CASD1: variants seen among roughly 807,000 people sequenced by gnomAD.
The protein encoded by CASD1 is N-acetylneuraminate (7)9-O-acetyltransferase.
In CASD1, 41 loss-of-function variants were observed where a neutral mutation model predicts 100.0. That is an observed-to-expected ratio of 0.41 (90% CI 0.32 to 0.53). CASD1 has a LOEUF of 0.53. Ranked by LOEUF, CASD1 falls within the 20% of genes least tolerant of loss-of-function variation. CASD1 has a pLI of 0.25. For missense variants in CASD1, 774 were observed against 948.7 expected (o/e 0.82, Z 2.42); for synonymous variants, 321 against 315.6 (o/e 1.02, Z -0.18).
At chr7:94,570,898 G>A in the CASD1 span, among the ~76,000 whole-genome samples, 4 of 152,274 alleles carry the variant, frequency 2.6e-5, no homozygotes, top group African/African-American at 9.6e-5. Flanking sequence ...CTTTACTGGA[G>A]ATCTTTATTT....
At chr7:94,632,973 C>T in the CASD1 span, among the ~76,000 whole-genome samples, 1 of 151,984 alleles carries the variant, frequency 6.6e-6, no homozygotes, top group African/African-American at 2.4e-5. Flanking sequence ...AAGCTTAAAG[C>T]ATGTTGTTTT....
chr7:94,511,526 A>T (rs1297669692), intron 1 of CASD1, among the ~76,000 whole-genome samples: 2 of 152,226 alleles, frequency 1.3e-5, no homozygotes, highest in Admixed American at 1.3e-4. Context: ...TCTCCAGATC[A>T]CAGCCATACG....
At chr7:94,594,143 T>C in the CASD1 span, among the ~76,000 whole-genome samples, 1 of 152,126 alleles carries the variant, frequency 6.6e-6, no homozygotes, top group Non-Finnish European at 1.5e-5. Flanking sequence ...AGGGCAATCA[T>C]TGAGGTACAC....
chr7:94,552,552 C>G, intron 16 of CASD1, 125 bp downstream of exon 16: 1 of 649,336 alleles, frequency 1.5e-6, no homozygotes, highest in Admixed American at 3.2e-5. Context: ...TTTCTAAGCC[C>G]TTCCTTTCTC....
At chr7:94,549,409 A>C (rs1460611507) in intron 13 of CASD1, 124 bp from the exon 14 acceptor site, 4 of 469,956 alleles carry the variant, frequency 8.5e-6, no homozygotes, top group Non-Finnish European at 1.5e-5. Flanking sequence ...AATAAAACAG[A>C]ATTTTAACAT....
At chr7:94,605,045 A>G in the CASD1 span, among the ~76,000 whole-genome samples, 6 of 151,698 alleles carry the variant, frequency 4.0e-5, no homozygotes, top group East Asian at 1.2e-3. Flanking sequence ...CCATATTACT[A>G]AAGATCTACT....
At chr7:94,590,249 T>A in the CASD1 span, among the ~76,000 whole-genome samples, 2 of 152,142 alleles carry the variant, frequency 1.3e-5, no homozygotes, top group African/African-American at 4.8e-5. Flanking sequence ...TGAGAAATGT[T>A]ATTAAAATTT....
At chr7:94,622,021 G>T in the CASD1 span, 2 of 141,924 alleles carry the variant, frequency 1.4e-5, no homozygotes, top group South Asian at 2.3e-4. Context: ...CACTTAAGGG[G>T]GTTTAAGTGT....
chr7:94,616,655 T>C, the CASD1 span, among the ~76,000 whole-genome samples: 1 of 152,180 alleles, frequency 6.6e-6, no homozygotes, highest in African/African-American at 2.4e-5. Flanking sequence ...GGATTTTTTT[T>C]CTAAATTTAA....
At chr7:94,595,034 C>T in the CASD1 span, among the ~76,000 whole-genome samples, 2 of 152,092 alleles carry the variant, frequency 1.3e-5, no homozygotes, top group Non-Finnish European at 2.9e-5. Context: ...ACTATCTATC[C>T]CTGCCTAGAT....
chr7:94,509,847 G>C lies in CASD1; in HGVS notation c.-238G>C, dbSNP rs1793592298. 2 of 1,008,308 alleles carry C rather than the reference G, an allele frequency of 2.0e-6. No individual in the cohort carries two copies. Among genetic ancestry groups the C allele is most frequent in the South Asian group, 9.3e-5 (2 of 21,530 alleles). The allele number at this position is 1,008,308 out of a possible 1,614,324, so 62.5% of individuals were successfully genotyped here. ...AGGGCGCCTGGGGAACCGGCACGGC[G>C]GAGCAGCGGCGGCGGGGCTGGGGGG... On this transcript the variant is annotated 5_prime_UTR_variant, in exon 1 of 18. Transcript: ENST00000297273.
At chr7:94,563,615 T>G in the CASD1 span, among the ~76,000 whole-genome samples, 1 of 152,156 alleles carries the variant, frequency 6.6e-6, no homozygotes. Context: ...TTTCTTACAT[T>G]TTTTGTTTTA....
the CASD1 span, chr7:94,623,461 G>A: frequency 9.9e-7 from 1 of 1,011,398 alleles, no homozygotes; most frequent in Non-Finnish European, 1.5e-6. Flanking sequence ...AATTCATTAA[G>A]GATTAAAATG....
At chr7:94,614,107 C>A in the CASD1 span, among the ~76,000 whole-genome samples, 39,654 of 94,790 alleles carry the variant, frequency 0.42, 6,103 homozygotes, top group Middle Eastern at 0.52. Flanking sequence ...AAATTGAAAT[C>A]AAAAAAAAAA....
At chr7:94,527,273 TACTA>T in intron 4 of CASD1, 67 bp downstream of exon 4, 1 of 1,107,130 alleles carries the variant, frequency 9.0e-7, no homozygotes, top group East Asian at 2.4e-5. Flanking sequence ...TAATTGAACA[TACTA>T]AGTATATTTC....
the CASD1 span, among the ~76,000 whole-genome samples, chr7:94,577,312 G>A: frequency 2.6e-5 from 4 of 152,050 alleles, no homozygotes; most frequent in Non-Finnish European, 5.9e-5. Context: ...TCCCCAAAGC[G>A]TTGTTTTGTG....
the CASD1 span, chr7:94,627,016 T>C: frequency 6.6e-6 from 1 of 152,206 alleles, no homozygotes; most frequent in South Asian, 2.1e-4. Flanking sequence ...TTATAACTTT[T>C]ACTGAATATT....
chr7:94,531,479 G>A (rs922907742), intron 5 of CASD1, among the ~76,000 whole-genome samples: 1 of 152,078 alleles, frequency 6.6e-6, no homozygotes, highest in Non-Finnish European at 1.5e-5. Flanking sequence ...AAGGAGGGCA[G>A]GAGAGACTGT....
the CASD1 span, chr7:94,590,563 T>A: frequency 2.0e-5 from 3 of 152,226 alleles, no homozygotes; most frequent in African/African-American, 4.8e-5. Context: ...AGGTTCTGTA[T>A]GGAAGAAACT....
Sources: gnomAD v4.1 joint callset for allele counts (sites outside exome capture counted in the v4.1 genomes callset) on GRCh38, gnomAD v4.1.1 for gene constraint, MANE v1.5 for transcripts, NCBI Gene and HGNC (gene_info 2026-07-23, HGNC 2026-07-21) for gene names.